The following BMF variants were observed in gnomAD, a reference collection of about 807,000 sequenced individuals.
BMF encodes the protein bcl-2-modifying factor.
BMF carries 10 observed loss-of-function variants against 22.0 expected under a neutral mutation model. The ratio of observed to expected loss-of-function variants is 0.45; its 90% CI spans 0.28 to 0.77. BMF has a LOEUF of 0.77. BMF is among the 30% of genes least tolerant of loss of function. BMF has a pLI of 0.13. For missense variants in BMF, 206 were observed against 226.8 expected (o/e 0.91, Z 0.59); for synonymous variants, 87 against 88.1 (o/e 0.99, Z 0.07).
chr15:40,102,905 T>C (rs1044464534), intron 4 of BMF, among the ~76,000 whole-genome samples: 2 of 152,200 alleles, frequency 1.3e-5, no homozygotes, highest in African/African-American at 4.8e-5. Flanking sequence ...TTAGATCTAT[T>C]ATCTAAGCAT....
At chr15:40,098,147 T>C (rs141585010) in intron 4 of BMF, among the ~76,000 whole-genome samples, 2 of 152,290 alleles carry the variant, frequency 1.3e-5, no homozygotes, top group African/African-American at 2.4e-5. Flanking sequence ...GCCACGCCCA[T>C]TGCTTCTCTA....
chr15:40,092,871 C>T (rs980869359), intron 4 of BMF, among the ~76,000 whole-genome samples: 1 of 152,128 alleles, frequency 6.6e-6, no homozygotes, highest in African/African-American at 2.4e-5. Context: ...GCGGGGGCCT[C>T]TCCACAGGGT....
rs938438579 is a variant in BMF at position 40,095,301 on chromosome 15, C to T, written c.454-3413G>A. 2.6e-5 allele frequency among the ~76,000 whole-genome samples: 4 copies of T among 152,100 alleles called. No homozygotes were observed. In the East Asian group the frequency reaches 7.7e-4, roughly 29 times the overall value. ...TTTTCCTAAAAGTTTAACAAAAGGG[C>T]CTGACTAGAAAGGAAAGAAAAAAGA... is the stretch of plus-strand genomic sequence containing the variant. On this transcript the variant is annotated intron_variant, in intron 4 of 4. Coordinates refer to ENST00000354670, the MANE Select transcript of BMF (RefSeq NM_001003940.2).
chr15:40,107,027 T>A (rs1195469586), intron 2 of BMF, among the ~76,000 whole-genome samples: 1 of 152,192 alleles, frequency 6.6e-6, no homozygotes, highest in African/African-American at 2.4e-5. Context: ...CTGCCTATAC[T>A]GCTGAAGTTA....
At chr15:40,098,053 A>G (rs1352058824) in intron 4 of BMF, among the ~76,000 whole-genome samples, 1 of 152,222 alleles carries the variant, frequency 6.6e-6, no homozygotes, top group Non-Finnish European at 1.5e-5. Context: ...CAACGTGGCA[A>G]AACGGAAAAG....
chr15:40,096,280 C>T (rs746954112), intron 4 of BMF, among the ~76,000 whole-genome samples: 11 of 151,332 alleles, frequency 7.3e-5, no homozygotes, highest in East Asian at 2.0e-4. Context: ...GTGTTCCCTA[C>T]GCTCCCTGGA....
At position 40,106,401 on chromosome 15, in the gene BMF, G is replaced by A. The variant is rs569326730; in HGVS notation, c.-5-310C>T. 145 of 290,650 alleles carry A rather than the reference G, an allele frequency of 5.0e-4. No homozygotes were observed. Among genetic ancestry groups the A allele is most frequent in the African/African-American group, 2.9e-3 (135 of 46,208 alleles). 18.0% of individuals were successfully genotyped at this position (290,650 alleles called of 1,614,324 possible). Reference sequence around the variant, plus strand: ...TTGACTCTGAGGGTTGTGAGCAATAGCAGGAGTAGAATCAGCAGCTATATG... The same window carrying A: ...TTGACTCTGAGGGTTGTGAGCAATAACAGGAGTAGAATCAGCAGCTATATG... On this transcript the variant is annotated intron_variant, in intron 2 of 4. Coordinates refer to ENST00000354670, the MANE Select transcript of BMF (RefSeq NM_001003940.2). The surrounding 1 kb of genome is among the most constrained non-coding windows in gnomAD (Gnocchi z 4.1).
Position 40,088,838 on chromosome 15 carries a change from C to CAGGCCAGGCAG in BMF, c.*2938_*2948dup, listed in dbSNP as rs1187242893. 3.3e-5 allele frequency: 5 copies of CAGGCCAGGCAG among 152,398 alleles called. No individual in the cohort carries two copies. Among genetic ancestry groups the CAGGCCAGGCAG allele is most frequent in the African/African-American group, 1.2e-4 (5 of 41,460 alleles). 9.4% of individuals were successfully genotyped at this position (152,398 alleles called of 1,614,324 possible). A position where few individuals can be genotyped will look rare whatever the true frequency, so the allele number is the denominator to read the frequency against. On this transcript the variant is annotated 3_prime_UTR_variant, in exon 5 of 5. Coordinates refer to ENST00000354670, the MANE Select transcript of BMF (RefSeq NM_001003940.2). ...GCTGCCAGTGGCCCAGACTTTGAAA[C>CAGGCCAGGCAG]AGGCCAGGCAGAGGCCAGGCTGAGT... is the stretch of plus-strand genomic sequence containing the variant.
chr15:40,104,166 AC>A lies in BMF; in HGVS notation c.453+13del. The A allele has an allele frequency of 3.1e-6, 5 of 1,613,546 alleles. No individual in the cohort carries two copies. Among genetic ancestry groups the A allele is most frequent in the Non-Finnish European group, 4.2e-6 (5 of 1,179,788 alleles). ...AGCAGACTCAACCCTCCTCCCCTAA[AC>A]CCCCGTGCCTACTTGCTGCACATGA... is the stretch of plus-strand genomic sequence containing the variant. On this transcript the variant is annotated intron_variant, in intron 4 of 4. Coordinates refer to ENST00000354670, the MANE Select transcript of BMF (RefSeq NM_001003940.2).
At chr15:40,095,024 C>G (rs78978434) in intron 4 of BMF, among the ~76,000 whole-genome samples, 8 of 152,310 alleles carry the variant, frequency 5.3e-5, no homozygotes, top group Non-Finnish European at 1.2e-4. Flanking sequence ...CTCTCCAACC[C>G]TAAGGAGTTT....
intron 4 of BMF, among the ~76,000 whole-genome samples, chr15:40,100,089 C>G (rs958776055): frequency 6.6e-6 from 1 of 152,164 alleles, no homozygotes; most frequent in African/African-American, 2.4e-5. Context: ...TTTACTCACT[C>G]GACTGTTTAC....
intron 4 of BMF, among the ~76,000 whole-genome samples, chr15:40,094,507 G>A (rs935593271): frequency 1.3e-5 from 2 of 152,170 alleles, no homozygotes; most frequent in African/African-American, 4.8e-5. Flanking sequence ...AGAGGACCTG[G>A]CTTTCGGGTT....
intron 4 of BMF, among the ~76,000 whole-genome samples, chr15:40,101,382 A>C (rs1225873578): frequency 6.6e-6 from 1 of 152,232 alleles, no homozygotes; most frequent in Admixed American, 6.5e-5. Context: ...TAGAAGAGGA[A>C]ATAGGCTCAG....
intron 4 of BMF, among the ~76,000 whole-genome samples, chr15:40,101,822 G>T (rs1325594515): frequency 6.6e-6 from 1 of 152,164 alleles, no homozygotes; most frequent in Non-Finnish European, 1.5e-5. Flanking sequence ...ACTGTTTAAG[G>T]AGAAGACAAA....
intron 4 of BMF, among the ~76,000 whole-genome samples, chr15:40,095,225 C>A (rs1435121663): frequency 6.6e-6 from 1 of 152,174 alleles, no homozygotes; most frequent in African/African-American, 2.4e-5. Context: ...CATGAGGAAA[C>A]CAAGATAATC....
chr15:40,104,352 G>T lies in BMF; in HGVS notation c.293-12C>A. The T allele has an allele frequency of 6.2e-7, 1 of 1,613,768 alleles. No individual in the cohort carries two copies. The highest frequency in any genetic ancestry group is 1.1e-5 in the South Asian group (1 of 91,018). On this transcript the variant is annotated splice_polypyrimidine_tract_variant and intron_variant, in intron 3 of 4. Coordinates refer to ENST00000354670, the MANE Select transcript of BMF (RefSeq NM_001003940.2). ...ATAGCCAGCATTGCCTGCAAAGATA[G>T]AGGATCCACATCTCAGCATTCTCCA...
At position 40,090,627 on chromosome 15, in the gene BMF, T is replaced by C. The variant is rs905244915; in HGVS notation, c.*1160A>G. 6 of 152,384 alleles carry C rather than the reference T, an allele frequency of 3.9e-5. No homozygotes were observed. 9.4% of individuals were successfully genotyped at this position (152,384 alleles called of 1,614,324 possible). ...CTGGAAGCTGGAGGAAGATAGGAAATGTGTACCCAGCTTTGACGGTTCCCC... is the reference window on the plus strand; with the variant it reads ...CTGGAAGCTGGAGGAAGATAGGAAACGTGTACCCAGCTTTGACGGTTCCCC... On this transcript the variant is annotated 3_prime_UTR_variant, in exon 5 of 5. Transcript: ENST00000354670.
At chr15:40,100,783 C>T (rs2141030789) in intron 4 of BMF, among the ~76,000 whole-genome samples, 2 of 152,338 alleles carry the variant, frequency 1.3e-5, no homozygotes, top group East Asian at 3.9e-4. Context: ...TCGATACACT[C>T]AATTGGGATT....
intron 4 of BMF, among the ~76,000 whole-genome samples, chr15:40,096,005 C>G (rs1236752794): frequency 6.6e-6 from 1 of 152,296 alleles, no homozygotes; most frequent in South Asian, 2.1e-4. Context: ...CAAGGGCATG[C>G]TGGACCGACT....
Sources: gnomAD v4.1 joint callset for allele counts (sites outside exome capture counted in the v4.1 genomes callset) on GRCh38, gnomAD v4.1.1 for gene constraint, Gnocchi (gnomAD v3.1) non-coding constraint, MANE v1.5 for transcripts, NCBI Gene and HGNC (gene_info 2026-07-23, HGNC 2026-07-21) for gene names.